The following BZW1 variants were observed in gnomAD, a reference collection of about 807,000 sequenced individuals.
BZW1 encodes eIF5-mimic protein 2.
In BZW1, 3 loss-of-function variants were observed where a neutral mutation model predicts 54.1. The ratio of observed to expected loss-of-function variants is 0.06; its 90% confidence interval spans 0.03 to 0.14. The LOEUF (loss-of-function observed/expected upper bound fraction) is 0.14. Ranked by LOEUF, BZW1 falls within the 10% of genes least tolerant of loss-of-function variation. BZW1 has a pLI of 1.00. For missense variants in BZW1, 206 were observed against 491.7 expected (o/e 0.42, Z 5.50); for synonymous variants, 152 against 162.7 (o/e 0.93, Z 0.50).
rs1559318450 is a variant in BZW1 at position 200,826,419 on chromosome 2, T to TGATAGATAGATAGA, written c.*4241_*4242insGATAGATAGATAGA. The TGATAGATAGATAGA allele has an allele frequency of 1.6e-4, 9 of 56,374 alleles. No individual in the cohort carries two copies. Among genetic ancestry groups the TGATAGATAGATAGA allele is most frequent in the African/African-American group, 3.7e-4 (6 of 16,240 alleles). 3.5% of individuals were successfully genotyped at this position (56,374 alleles called of 1,614,324 possible). A position where few individuals can be genotyped will look rare whatever the true frequency, so the allele number is the denominator to read the frequency against. ...TAGATAGATAGATATTTTTTTTTTT[T>TGATAGATAGATAGA]TTTTTTTTTTTTTTTTTTTTTTTGA... On this transcript the variant is annotated 3_prime_UTR_variant, in exon 12 of 12. Coordinates refer to ENST00000409600, the MANE Select transcript of BZW1 (RefSeq NM_001207067.2).
At chr2:200,817,362 A>G (rs1261625971) in intron 6 of BZW1, 121 bp downstream of exon 6, 6 of 1,274,346 alleles carry the variant, frequency 4.7e-6, no homozygotes, top group African/African-American at 1.5e-5. Context: ...CTTAAATTTA[A>G]TAAGTTCAGT....
In BZW1 at chr2:200,814,803, T is replaced by C. The variant is rs539622852; in HGVS notation, c.65-538T>C. ...ACCTAATTTCTCTGACTCTCAGTTT[T>C]CCTTCTGAATAATAGGGGGAAAAAT... On this transcript the variant is annotated intron_variant, in intron 2 of 11. Coordinates refer to ENST00000409600, the MANE Select transcript of BZW1 (RefSeq NM_001207067.2). 7.7e-4 allele frequency among the ~76,000 whole-genome samples: 118 copies of C among 152,360 alleles called. No homozygotes were observed. In the South Asian group the frequency reaches 0.013, roughly 17 times the overall value.
intron 1 of BZW1, chr2:200,812,409 T>C: frequency 3.9e-6 from 5 of 1,278,490 alleles, no homozygotes; most frequent in South Asian, 2.6e-5. Flanking sequence ...GGCGGGCGGA[T>C]GTACGGGGCG....
chr2:200,821,358 C>T, intron 11 of BZW1, 53 bp downstream of exon 11: 1 of 1,595,086 alleles, frequency 6.3e-7, no homozygotes. Flanking sequence ...TTAATGTGGC[C>T]ATAATATATC....
Position 200,826,930 on chromosome 2 carries a change from T to C in BZW1, c.*4752T>C, listed in dbSNP as rs1333506009. ...ATGCTAATATTCTTAAGGACAAAAA[T>C]AGTTTACAGCTTTTTTTTTTTTAAT... On this transcript the variant is annotated 3_prime_UTR_variant, in exon 12 of 12. Coordinates refer to ENST00000409600, the MANE Select transcript of BZW1 (RefSeq NM_001207067.2). 1 of 149,614 alleles carries C rather than the reference T, an allele frequency of 6.7e-6. No homozygotes were observed. The highest frequency in any genetic ancestry group is 1.5e-5 in the Non-Finnish European group (1 of 67,792). 9.3% of individuals were successfully genotyped at this position (149,614 alleles called of 1,614,324 possible).
intron 1 of BZW1, chr2:200,812,825 C>T (rs985048735): frequency 1.5e-6 from 1 of 672,858 alleles, no homozygotes; most frequent in Admixed American, 2.1e-5. Context: ...ATTTTGGATG[C>T]CTGCTGACTA....
At chr2:200,819,894 A>G (rs2038445218) in intron 9 of BZW1, 88 bp from the exon 10 acceptor site, 1 of 1,164,302 alleles carries the variant, frequency 8.6e-7, no homozygotes, top group Non-Finnish European at 1.1e-6. Context: ...AAGATGAGTT[A>G]AGTTCTATAT....
At chr2:200,812,518 C>T in intron 1 of BZW1, 2 of 1,384,374 alleles carry the variant, frequency 1.4e-6, no homozygotes, top group Non-Finnish European at 1.9e-6. Flanking sequence ...AGCCGCGGGA[C>T]CCTACGGCGC....
rs1314305953 is a variant in BZW1 at position 200,813,079 on chromosome 2, A to G, written c.-10-129A>G. The G allele has an allele frequency of 4.6e-5, 35 of 758,676 alleles. 1 individual carries two copies. The Admixed American group carries it at 7.3e-4, about 16-fold the overall frequency. The allele number at this position is 758,676 out of a possible 1,614,324, so 47.0% of individuals were successfully genotyped here. On this transcript the variant is annotated intron_variant, in intron 1 of 11. Transcript: ENST00000409600. The stretch of plus-strand genomic sequence containing the variant: ...ATTCTTTGTGCCTGTATCGGGTATA[A>G]TTGCCAGCTTTATATCCTGAGAGTG...
chr2:200,812,288 G>A (rs919272925), intron 1 of BZW1: 5 of 1,232,500 alleles, frequency 4.1e-6, no homozygotes, highest in Non-Finnish European at 5.1e-6. Flanking sequence ...TAACAAAGCC[G>A]CCGCGGCCTC....
intron 1 of BZW1, chr2:200,812,639 C>T: frequency 7.8e-7 from 1 of 1,282,146 alleles, no homozygotes; most frequent in East Asian, 2.5e-5. Flanking sequence ...GAGGCTAGGA[C>T]TGTGGGATAT....
Position 200,827,128 on chromosome 2 carries a change from A to G in BZW1, c.*4950A>G, listed in dbSNP as rs887852004. 6.6e-6 allele frequency: 1 copy of G among 152,168 alleles called. No homozygotes were observed. Among genetic ancestry groups the G allele is most frequent in the South Asian group, 2.1e-4 (1 of 4,820 alleles). The allele number at this position is 152,168 out of a possible 1,614,324, so 9.4% of individuals were successfully genotyped here. ...CCTCATTTCCATTCTAGTTAGGAGCAATGGCGCCCAGGACGGCACACAGAA... is the reference window on the plus strand; with the variant it reads ...CCTCATTTCCATTCTAGTTAGGAGCGATGGCGCCCAGGACGGCACACAGAA... On this transcript the variant is annotated 3_prime_UTR_variant, in exon 12 of 12. Transcript: ENST00000409600.
intron 9 of BZW1, among the ~76,000 whole-genome samples, chr2:200,819,480 TC>T (rs1325175257): frequency 1.3e-5 from 2 of 152,160 alleles, no homozygotes; most frequent in Non-Finnish European, 2.9e-5. Flanking sequence ...TTTCCCCCCC[TC>T]TAAAATACTA....
rs562499498 is a variant in BZW1, at chr2:200,817,914, G to A, written c.539-60G>A. 20 of 1,174,330 alleles carry A rather than the reference G, an allele frequency of 1.7e-5. No homozygotes were observed. In the East Asian group the frequency reaches 1.8e-4, roughly 11 times the overall value. The allele number at this position is 1,174,330 out of a possible 1,614,324, so 72.7% of individuals were successfully genotyped here. ...GAACTATGAAGGGAAGGATATAGGGGGACACAGTGATTGAAACCAGGGAAG... is the reference window on the plus strand; with the variant it reads ...GAACTATGAAGGGAAGGATATAGGGAGACACAGTGATTGAAACCAGGGAAG... On this transcript the variant is annotated intron_variant, in intron 6 of 11. Transcript: ENST00000409600.
chr2:200,812,513 C>G (rs574596250), intron 1 of BZW1: 3 of 1,379,666 alleles, frequency 2.2e-6, no homozygotes, highest in African/African-American at 2.9e-5. Flanking sequence ...GAAAGAGCCG[C>G]GGGACCCTAC....
rs573287723 is a variant in BZW1 at position 200,824,531 on chromosome 2, A to T, written c.*2353A>T. 1 of 151,610 alleles carries T rather than the reference A, an allele frequency of 6.6e-6. No individual in the cohort carries two copies. Among genetic ancestry groups the T allele is most frequent in the South Asian group, 2.1e-4 (1 of 4,810 alleles). The allele number at this position is 151,610 out of a possible 1,614,324, so 9.4% of individuals were successfully genotyped here. On this transcript the variant is annotated 3_prime_UTR_variant, in exon 12 of 12. Coordinates refer to ENST00000409600, the MANE Select transcript of BZW1 (RefSeq NM_001207067.2). Reference sequence around the variant, plus strand: ...ATTCCATTCTTATTTAAAAAAAAAAACCTCCATATACCAAAAATGCTACAG... The same window carrying T: ...ATTCCATTCTTATTTAAAAAAAAAATCCTCCATATACCAAAAATGCTACAG...
chr2:200,821,519 T>G (rs557784472), intron 11 of BZW1, among the ~76,000 whole-genome samples: 1 of 152,296 alleles, frequency 6.6e-6, no homozygotes, highest in Admixed American at 6.5e-5. Flanking sequence ...TGGAAAATTT[T>G]GAGAATATTT....
At chr2:200,816,178 C>T (rs1004733514) in intron 4 of BZW1, 147 bp from the exon 5 acceptor site, 2 of 509,206 alleles carry the variant, frequency 3.9e-6, no homozygotes, top group African/African-American at 1.9e-5. Context: ...AATTAAAGTA[C>T]ATCTAACCTG....
Position 200,822,262 on chromosome 2 carries a change from C to CCT in BZW1, c.*84_*85insCT. The CCT allele has an allele frequency of 6.7e-6, 8 of 1,199,170 alleles. No homozygotes were observed. The highest frequency in any genetic ancestry group is 1.6e-5 in the African/African-American group (1 of 64,166). The allele number at this position is 1,199,170 out of a possible 1,614,324, so 74.3% of individuals were successfully genotyped here. ...CATGTGTCCTGGTTCTTACATCTTC[C>CCT]TACCTCCCTGTATCAAGCATGATAT... On this transcript the variant is annotated 3_prime_UTR_variant, in exon 12 of 12. Transcript: ENST00000409600.
Sources: gnomAD v4.1 joint callset for allele counts (sites outside exome capture counted in the v4.1 genomes callset) on GRCh38, gnomAD v4.1.1 for gene constraint, MANE v1.5 for transcripts, NCBI Gene and HGNC (gene_info 2026-07-23, HGNC 2026-07-21) for gene names.